The following RBFOX1 variants were observed in gnomAD, a reference collection of about 807,000 sequenced individuals.
RBFOX1 encodes RNA binding protein fox-1 homolog 1.
RBFOX1 carries 8 observed loss-of-function variants against 57.7 expected under a neutral mutation model. The observed-to-expected ratio is 0.14, with a 90% CI of 0.08 to 0.25. The LOEUF is 0.25. Ranked by LOEUF, RBFOX1 falls within the 10% of genes least tolerant of loss-of-function variation. RBFOX1 has a pLI of 1.00. For missense variants in RBFOX1, 611 were observed against 548.5 expected (o/e 1.11, Z -1.14); for synonymous variants, 326 against 222.4 (o/e 1.47, Z -4.15).
At chr16:7,191,744 G>A (rs557532034) in intron 4 of RBFOX1, among the ~76,000 whole-genome samples, 1 of 152,332 alleles carries the variant, frequency 6.6e-6, no homozygotes, top group South Asian at 2.1e-4. Flanking sequence ...GGGGGTTAGA[G>A]CGAAAGCTGA....
At chr16:7,053,978 C>T (rs1253623969) in intron 4 of RBFOX1, among the ~76,000 whole-genome samples, 1 of 151,906 alleles carries the variant, frequency 6.6e-6, no homozygotes, top group African/African-American at 2.4e-5. Flanking sequence ...TGGAGTTTTC[C>T]CTTCCCACGT....
chr16:6,245,341 A>T lies in RBFOX1; in HGVS notation c.-126-71654A>T, dbSNP rs191341648. On this transcript the variant is annotated intron_variant, in intron 1 of 15. Coordinates refer to ENST00000550418, the MANE Select transcript of RBFOX1 (RefSeq NM_018723.4). ...CTTGCCAAATACGTTTTCCTTGAGG[A>T]TATTGATAATGGCTTTTTATGGTTA... 2.0e-5 allele frequency among the ~76,000 whole-genome samples: 3 copies of T among 152,202 alleles called. No homozygotes were observed. In the East Asian group the frequency reaches 5.8e-4, roughly 29 times the overall value.
intron 4 of RBFOX1, among the ~76,000 whole-genome samples, chr16:7,172,571 G>A (rs971857448): frequency 3.3e-5 from 5 of 152,012 alleles, no homozygotes; most frequent in African/African-American, 1.2e-4. Flanking sequence ...AATGTAATTA[G>A]CATTCCTGTT....
At chr16:5,454,926 T>C (rs11649156) in intron 1 of RBFOX1, among the ~76,000 whole-genome samples, 4,204 of 54,286 alleles carry the variant, frequency 0.077, 280 homozygotes, top group East Asian at 0.13. Flanking sequence ...TTTGTTTCTT[T>C]CTTCCTTCCT....
At chr16:7,259,894 G>A (rs546926128) in intron 4 of RBFOX1, among the ~76,000 whole-genome samples, 1 of 152,198 alleles carries the variant, frequency 6.6e-6, no homozygotes, top group Non-Finnish European at 1.5e-5. Context: ...TAGGCCCTTG[G>A]TAAATAATTC....
chr16:5,895,443 C>G (rs977053312), intron 4 of RBFOX1, among the ~76,000 whole-genome samples: 4 of 152,180 alleles, frequency 2.6e-5, no homozygotes, highest in African/African-American at 7.2e-5. Context: ...GAATGCCAAC[C>G]TCTGTGTCAC....
In RBFOX1 at chr16:7,644,007, A is replaced by T. The variant is rs185467582; in HGVS notation, c.758-9808A>T. ...GCTCTGTCTCAGATGTGGTATGGATATAGGGAGATGATGTAGCAGCTTGTA... is the reference window on the plus strand; with the variant it reads ...GCTCTGTCTCAGATGTGGTATGGATTTAGGGAGATGATGTAGCAGCTTGTA... On this transcript the variant is annotated intron_variant, in intron 11 of 15. Coordinates refer to ENST00000550418, the MANE Select transcript of RBFOX1 (RefSeq NM_018723.4). Among the ~76,000 whole-genome samples the T allele has an allele frequency of 1.8e-4, 27 of 152,270 alleles. No homozygotes were observed. The East Asian group carries it at 5.2e-3, about 29-fold the overall frequency.
intron 1 of RBFOX1, among the ~76,000 whole-genome samples, chr16:5,414,994 C>T (rs1009836856): frequency 2.6e-5 from 4 of 152,002 alleles, no homozygotes; most frequent in African/African-American, 7.3e-5. Context: ...GTGTGTTTTC[C>T]GTGTGCCAGG....
chr16:6,698,193 C>T (rs1355382423), intron 3 of RBFOX1, among the ~76,000 whole-genome samples: 3 of 152,272 alleles, frequency 2.0e-5, no homozygotes, highest in African/African-American at 7.2e-5. Flanking sequence ...TACTTTCCCT[C>T]GTGCTCCAAT....
intron 4 of RBFOX1, among the ~76,000 whole-genome samples, chr16:7,113,483 T>C (rs2151631869): frequency 1.3e-5 from 2 of 152,318 alleles, no homozygotes; most frequent in South Asian, 4.1e-4. Context: ...TTGTTATGTA[T>C]TTGGTTGAAT....
At chr16:5,430,159 C>A (rs2067685486) in intron 1 of RBFOX1, among the ~76,000 whole-genome samples, 2 of 152,082 alleles carry the variant, frequency 1.3e-5, no homozygotes, top group South Asian at 4.1e-4. Context: ...GGAAAAAGTC[C>A]CTCTCTTCAT....
intron 9 of RBFOX1, among the ~76,000 whole-genome samples, chr16:7,604,093 A>G (rs547626158): frequency 6.6e-6 from 1 of 152,162 alleles, no homozygotes; most frequent in Non-Finnish European, 1.5e-5. Flanking sequence ...ATGGGGTATG[A>G]GGGTAAGAGA....
chr16:5,361,050 G>T (rs2065536459), intron 1 of RBFOX1, among the ~76,000 whole-genome samples: 1 of 152,172 alleles, frequency 6.6e-6, no homozygotes, highest in African/African-American at 2.4e-5. Context: ...AGACAACACA[G>T]AGTGCTTACT....
chr16:5,971,433 G>C (rs1393247447), intron 4 of RBFOX1, among the ~76,000 whole-genome samples: 2 of 152,186 alleles, frequency 1.3e-5, no homozygotes, highest in Non-Finnish European at 2.9e-5. Context: ...AGGATGAAAG[G>C]AGGTAATTTG....
At chr16:5,520,195 G>T (rs2043959542) in intron 2 of RBFOX1, among the ~76,000 whole-genome samples, 1 of 152,086 alleles carries the variant, frequency 6.6e-6, no homozygotes, top group Non-Finnish European at 1.5e-5. Flanking sequence ...GTGAAGGAGA[G>T]AAGACAGGAA....
chr16:5,257,745 G>A (rs530404478), intron 1 of RBFOX1, among the ~76,000 whole-genome samples: 66 of 152,188 alleles, frequency 4.3e-4, no homozygotes, highest in African/African-American at 1.5e-3. Flanking sequence ...CCTCCCCCAC[G>A]CTTCCCTCCC....
intron 4 of RBFOX1, among the ~76,000 whole-genome samples, chr16:7,121,909 C>A (rs949274418): frequency 6.6e-6 from 1 of 150,668 alleles, no homozygotes; most frequent in Non-Finnish European, 1.5e-5. Context: ...AGAAAAGGTA[C>A]AAAATCAAAG....
intron 9 of RBFOX1, among the ~76,000 whole-genome samples, chr16:7,600,903 T>C (rs1445978290): frequency 6.6e-6 from 1 of 152,230 alleles, no homozygotes; most frequent in Admixed American, 6.5e-5. Flanking sequence ...CGTAGGCTTC[T>C]GGACATTCTA....
At chr16:7,365,375 C>T (rs2097422553) in intron 4 of RBFOX1, among the ~76,000 whole-genome samples, 1 of 152,168 alleles carries the variant, frequency 6.6e-6, no homozygotes, top group African/African-American at 2.4e-5. Flanking sequence ...CTCAGTCCAT[C>T]CACCAAACCA....
Sources: gnomAD v4.1 joint callset for allele counts (sites outside exome capture counted in the v4.1 genomes callset) on GRCh38, gnomAD v4.1.1 for gene constraint, MANE v1.5 for transcripts, NCBI Gene and HGNC (gene_info 2026-07-23, HGNC 2026-07-21) for gene names.